CCDC171: variants seen among roughly 807,000 people sequenced by gnomAD.
CCDC171 encodes the protein coiled-coil domain-containing protein 171.
In CCDC171, 177 loss-of-function variants were observed where a neutral mutation model predicts 168.2. The observed-to-expected ratio is 1.05, with a 90% CI of 0.93 to 1.19. The LOEUF (loss-of-function observed/expected upper bound fraction) is 1.19, where lower values mean the gene tolerates loss of function less well. CCDC171 is among the 50% of genes most tolerant of loss of function. The pLI, the probability that CCDC171 is intolerant of heterozygous loss-of-function variation, is 0.00. For missense variants in CCDC171, 1,991 were observed against 1,539.0 expected (o/e 1.29, Z -4.91); for synonymous variants, 687 against 540.8 (o/e 1.27, Z -3.75).
At chr9:15,654,552 C>G (rs1161287556) in intron 7 of CCDC171, among the ~76,000 whole-genome samples, 3 of 152,180 alleles carry the variant, frequency 2.0e-5, no homozygotes, top group Admixed American at 1.3e-4. Flanking sequence ...GTTTTTATTT[C>G]TATTTCTTTT....
rs556424811 is a variant in CCDC171 at position 15,893,727 on chromosome 9, G to A, written c.3600+19064G>A. On this transcript the variant is annotated intron_variant, in intron 24 of 25. Transcript: ENST00000380701. ...GAGAAATGCAAACTAAAACCACAAT[G>A]AGATGCCATCTTGTGCCAGTTAGAA... Among the ~76,000 whole-genome samples, 34 of 152,254 alleles carry A rather than the reference G, an allele frequency of 2.2e-4. 1 individual carries two copies. The South Asian group carries it at 6.9e-3, about 31-fold the overall frequency.
At chr9:15,805,480 C>T (rs2059030028) in intron 21 of CCDC171, among the ~76,000 whole-genome samples, 1 of 152,226 alleles carries the variant, frequency 6.6e-6, no homozygotes, top group African/African-American at 2.4e-5. Context: ...TTCTTGATTT[C>T]TGCCTTAATT....
At chr9:16,107,570 T>C in the CCDC171 span, among the ~76,000 whole-genome samples, 1 of 152,098 alleles carries the variant, frequency 6.6e-6, no homozygotes, top group South Asian at 2.1e-4. Context: ...CACATATACA[T>C]ATATGCATAA....
chr9:15,926,703 G>C (rs1235507539), intron 25 of CCDC171, among the ~76,000 whole-genome samples: 2 of 151,620 alleles, frequency 1.3e-5, no homozygotes, highest in Admixed American at 1.3e-4. Flanking sequence ...TTGTAGTGTT[G>C]TTATGAGGAT....
chr9:15,812,004 A>C (rs775875151), intron 21 of CCDC171, among the ~76,000 whole-genome samples: 1 of 152,208 alleles, frequency 6.6e-6, no homozygotes, highest in African/African-American at 2.4e-5. Flanking sequence ...TATGTATCTA[A>C]TGATCCTACA....
Position 15,652,553 on chromosome 9 carries a change from C to T in CCDC171, c.823-4574C>T, listed in dbSNP as rs2047608894. ...TCAAGCCATTCTCTCACCTTAGCCT[C>T]CCTTGTAGCTGGGTTTACAGGTGGC... On this transcript the variant is annotated intron_variant, in intron 7 of 25. Transcript: ENST00000380701. 2.6e-5 allele frequency among the ~76,000 whole-genome samples: 4 copies of T among 152,044 alleles called. No homozygotes were observed. In the South Asian group the frequency reaches 8.3e-4, roughly 32 times the overall value.
intron 3 of CCDC171, among the ~76,000 whole-genome samples, chr9:15,993,494 G>C (rs1426036163): frequency 6.6e-6 from 1 of 152,022 alleles, no homozygotes; most frequent in African/African-American, 2.4e-5. Flanking sequence ...AAAAACCCTA[G>C]AAAAAAACCT....
At chr9:16,083,010 G>T in the CCDC171 span, among the ~76,000 whole-genome samples, 1 of 152,190 alleles carries the variant, frequency 6.6e-6, no homozygotes. Context: ...ATGGTGTATG[G>T]TTGCAGATTT....
intron 1 of CCDC171, among the ~76,000 whole-genome samples, chr9:16,043,579 G>A (rs937700957): frequency 1.3e-5 from 2 of 152,246 alleles, no homozygotes; most frequent in South Asian, 2.1e-4. Flanking sequence ...CATGAAGTGG[G>A]CTCAGCACCA....
intron 11 of CCDC171, among the ~76,000 whole-genome samples, chr9:15,711,044 T>A (rs1392772148): frequency 1.3e-5 from 2 of 152,212 alleles, no homozygotes; most frequent in Admixed American, 1.3e-4. Flanking sequence ...TTCTCCCAAT[T>A]GGTAATGGAA....
At chr9:16,086,028 C>CAGAAGGAATAGT in the CCDC171 span, among the ~76,000 whole-genome samples, 5 of 151,812 alleles carry the variant, frequency 3.3e-5, no homozygotes, top group South Asian at 2.1e-4. Context: ...GGAATAGTTT[C>CAGAAGGAATAGT]ACCAGCTCCT....
At chr9:15,658,212 G>A (rs1474848312) in intron 8 of CCDC171, among the ~76,000 whole-genome samples, 3 of 152,206 alleles carry the variant, frequency 2.0e-5, no homozygotes, top group African/African-American at 7.2e-5. Flanking sequence ...TGGTGGGAAG[G>A]CATGATGAAG....
At chr9:15,797,706 A>G (rs1057102515) in intron 21 of CCDC171, among the ~76,000 whole-genome samples, 1 of 152,046 alleles carries the variant, frequency 6.6e-6, no homozygotes, top group African/African-American at 2.4e-5. Flanking sequence ...CCATATTCTA[A>G]CTTTTATTGT....
chr9:15,666,522 A>G (rs1476535522), intron 9 of CCDC171, among the ~76,000 whole-genome samples, 199 bp downstream of exon 9: 1 of 152,234 alleles, frequency 6.6e-6, no homozygotes, highest in Non-Finnish European at 1.5e-5. Flanking sequence ...ATTGAAGTAT[A>G]TTCCAAGTAG....
intron 21 of CCDC171, among the ~76,000 whole-genome samples, chr9:15,843,135 T>C (rs375402276): frequency 6.6e-6 from 1 of 151,972 alleles, no homozygotes; most frequent in East Asian, 1.9e-4. Flanking sequence ...AAAGCATTGG[T>C]TTTTTCTTCC....
At chr9:15,894,859 T>A (rs1820694096) in intron 24 of CCDC171, among the ~76,000 whole-genome samples, 1 of 152,150 alleles carries the variant, frequency 6.6e-6, no homozygotes, top group South Asian at 2.1e-4. Flanking sequence ...TGTTTGGCTG[T>A]TATCTATTTG....
intron 25 of CCDC171, among the ~76,000 whole-genome samples, chr9:15,945,798 A>G (rs1192009552): frequency 6.6e-6 from 1 of 151,744 alleles, no homozygotes; most frequent in Non-Finnish European, 1.5e-5. Context: ...TCAGATGTGT[A>G]GGTTGCGAAG....
At chr9:15,810,513 G>A (rs952895153) in intron 21 of CCDC171, among the ~76,000 whole-genome samples, 1 of 152,064 alleles carries the variant, frequency 6.6e-6, no homozygotes, top group Admixed American at 6.5e-5. Flanking sequence ...GGTGGGGCTC[G>A]GGCATGGCGG....
intron 18 of CCDC171, among the ~76,000 whole-genome samples, chr9:15,760,529 T>A (rs2056385728): frequency 6.6e-6 from 1 of 152,218 alleles, no homozygotes; most frequent in Non-Finnish European, 1.5e-5. Flanking sequence ...AGTATCCTAA[T>A]CTGTAAAATT....
Sources: allele counts gnomAD v4.1 joint callset (sites outside exome capture counted in the v4.1 genomes callset), GRCh38; gene constraint gnomAD v4.1.1; transcripts MANE v1.5; gene names NCBI Gene and HGNC (gene_info 2026-07-23, HGNC 2026-07-21).